The following TYW1B variants were observed in gnomAD, a reference collection of about 807,000 sequenced individuals.
TYW1B encodes S-adenosyl-L-methionine-dependent tRNA 4-demethylwyosine synthase TYW1B.
Under a neutral mutation model 86.9 loss-of-function variants are expected in TYW1B, and 73 were observed. The ratio of observed to expected loss-of-function variants is 0.84; its 90% CI spans 0.70 to 1.02. The LOEUF is 1.02. Among genes scored for constraint, TYW1B ranks in the 50% least tolerant of loss-of-function variants. The pLI is 0.00. For synonymous variants in TYW1B, 248 were observed against 292.8 expected (o/e 0.85, Z 1.56); for missense variants, 637 against 827.4 (o/e 0.77, Z 2.82).
At chr7:72,817,080 C>T (rs1448567732) in intron 2 of TYW1B, among the ~76,000 whole-genome samples, 2 of 151,992 alleles carry the variant, frequency 1.3e-5, no homozygotes, top group African/African-American at 2.4e-5. Flanking sequence ...ATGATAACTC[C>T]CAATAGTAAG....
chr7:72,658,245 C>T (rs1230920757), intron 11 of TYW1B, among the ~76,000 whole-genome samples: 3 of 149,474 alleles, frequency 2.0e-5, no homozygotes, highest in East Asian at 1.9e-4. Flanking sequence ...AGCGAGACTC[C>T]GTCTCAATAA....
In TYW1B at chr7:72,707,211, C is replaced by CA. The variant is rs1238676885; in HGVS notation, c.1370+6409dup. 2.0e-5 allele frequency among the ~76,000 whole-genome samples: 3 copies of CA among 152,366 alleles called. No homozygotes were observed. In the South Asian group the frequency reaches 6.2e-4, roughly 32 times the overall value. ...GGGAAGTGAGCAAAGGTGATACAAG[C>CA]AAAGGCTTGAAAGATGCTCGCGCAT... On this transcript the variant is annotated intron_variant, in intron 10 of 13. Transcript: ENST00000620995.
intron 7 of TYW1B, among the ~76,000 whole-genome samples, chr7:72,774,689 C>T (rs573331447): frequency 5.3e-5 from 8 of 150,378 alleles, no homozygotes; most frequent in African/African-American, 2.0e-4. Flanking sequence ...CAAGATCACG[C>T]CACTGCGCTC....
intron 11 of TYW1B, among the ~76,000 whole-genome samples, chr7:72,691,098 T>C (rs1814146536): frequency 6.6e-6 from 1 of 152,218 alleles, no homozygotes; most frequent in Non-Finnish European, 1.5e-5. Context: ...CCCATATAAC[T>C]ACAAAATATA....
chr7:72,731,393 C>CAAAAAAAAAAAA (rs59262388), intron 8 of TYW1B, among the ~76,000 whole-genome samples: 9 of 33,038 alleles, frequency 2.7e-4, no homozygotes, highest in South Asian at 1.1e-3. Flanking sequence ...TACCAAACTG[C>CAAAAAAAAAAAA]AAAAAAAAAA....
At chr7:72,616,063 TTCCAGAAC>T (rs1159753669) in intron 13 of TYW1B, among the ~76,000 whole-genome samples, 17 of 152,174 alleles carry the variant, frequency 1.1e-4, no homozygotes, top group Admixed American at 9.2e-4. Flanking sequence ...CTAAGAAATT[TTCCAGAAC>T]TTCTCTAGAA....
intron 12 of TYW1B, among the ~76,000 whole-genome samples, chr7:72,622,268 A>G (rs1684554369): frequency 6.6e-6 from 1 of 152,208 alleles, no homozygotes; most frequent in South Asian, 2.1e-4. Flanking sequence ...TAGCAGAAAA[A>G]TATTTTACAA....
At chr7:72,723,391 T>C (rs1231869353) in intron 9 of TYW1B, among the ~76,000 whole-genome samples, 2 of 152,130 alleles carry the variant, frequency 1.3e-5, no homozygotes, top group Non-Finnish European at 2.9e-5. Context: ...TTGACTATAA[T>C]TGCCATTTAT....
Position 72,748,126 on chromosome 7 carries a change from G to A in TYW1B, c.965-3525C>T, listed in dbSNP as rs192381233. Among the ~76,000 whole-genome samples, 733 of 152,138 alleles carry A rather than the reference G, an allele frequency of 4.8e-3. 5 individuals are homozygous for A. The highest frequency in any genetic ancestry group is 0.016 in the African/African-American group (684 of 41,494). On this transcript the variant is annotated intron_variant, in intron 7 of 13. Transcript: ENST00000620995. ...TCTACTAAAAATACAAAAATTAGCC[G>A]GGCTTGGTGGCGGGCGCCTGTAGTC...
At chr7:72,635,034 A>C (rs3110836) in intron 11 of TYW1B, among the ~76,000 whole-genome samples, 1 of 148,470 alleles carries the variant, frequency 6.7e-6, no homozygotes, top group East Asian at 1.9e-4. Context: ...AGTGTTTCTT[A>C]TGTCTCTTTA....
At chr7:72,604,902 G>C (rs1405615286) in intron 13 of TYW1B, among the ~76,000 whole-genome samples, 1 of 152,134 alleles carries the variant, frequency 6.6e-6, no homozygotes, top group Non-Finnish European at 1.5e-5. Flanking sequence ...TCAAAGCCAA[G>C]GTCATTGAGC....
chr7:72,719,198 G>A (rs782205484), intron 9 of TYW1B, among the ~76,000 whole-genome samples: 124 of 151,700 alleles, frequency 8.2e-4, no homozygotes, highest in Middle Eastern at 3.4e-3. Flanking sequence ...ACCCAGGCTG[G>A]AGTGCAGTGA....
At chr7:72,668,925 T>C (rs1813527472) in intron 11 of TYW1B, among the ~76,000 whole-genome samples, 2 of 152,096 alleles carry the variant, frequency 1.3e-5, no homozygotes, top group Non-Finnish European at 2.9e-5. Context: ...TGAAACTATC[T>C]GTCTCCCACA....
At chr7:72,700,899 T>C (rs1814450373) in intron 10 of TYW1B, among the ~76,000 whole-genome samples, 1 of 152,112 alleles carries the variant, frequency 6.6e-6, no homozygotes, top group Non-Finnish European at 1.5e-5. Context: ...AAATCCTGTC[T>C]TTTCTAAAAA....
intron 11 of TYW1B, among the ~76,000 whole-genome samples, chr7:72,679,948 A>G (rs1333327962): frequency 2.6e-5 from 4 of 152,200 alleles, no homozygotes; most frequent in African/African-American, 9.6e-5. Flanking sequence ...TGAGCAACAC[A>G]GTGAGACCGT....
intron 11 of TYW1B, among the ~76,000 whole-genome samples, chr7:72,633,172 CCT>C (rs1812583275): frequency 6.6e-6 from 1 of 152,254 alleles, no homozygotes; most frequent in Non-Finnish European, 1.5e-5. Context: ...ATAACACACC[CCT>C]TTATTTGCAT....
At chr7:72,636,616 A>T (rs1190147590) in intron 11 of TYW1B, among the ~76,000 whole-genome samples, 1 of 152,232 alleles carries the variant, frequency 6.6e-6, no homozygotes, top group African/African-American at 2.4e-5. Flanking sequence ...TGGCTACAAG[A>T]TTTTAATCAT....
intron 9 of TYW1B, among the ~76,000 whole-genome samples, chr7:72,724,009 A>T (rs3015849): frequency 0.69 from 101,616 of 147,150 alleles, 35,975 homozygotes; most frequent in Non-Finnish European, 0.77. Context: ...CTTTTCTATT[A>T]TCATAATTTT....
intron 11 of TYW1B, among the ~76,000 whole-genome samples, chr7:72,632,376 TTA>T (rs559879811): frequency 0.013 from 1,262 of 96,224 alleles, 86 homozygotes; most frequent in African/African-American, 0.056. Context: ...CGCATATATA[TTA>T]TATATATACG....
Sources: allele counts gnomAD v4.1 joint callset (sites outside exome capture counted in the v4.1 genomes callset), GRCh38; gene constraint gnomAD v4.1.1; transcripts MANE v1.5; gene names NCBI Gene and HGNC (gene_info 2026-07-23, HGNC 2026-07-21).